The following SPOCK1 variants were observed in gnomAD, a reference collection of about 807,000 sequenced individuals.
SPOCK1 encodes testican-1.
In SPOCK1, 23 loss-of-function variants were observed where a neutral mutation model predicts 55.3. That is an observed-to-expected ratio of 0.42 (90% CI 0.30 to 0.59). The LOEUF (loss-of-function observed/expected upper bound fraction) is 0.59. SPOCK1 is among the 20% of genes least tolerant of loss of function. The pLI, the probability that SPOCK1 is intolerant of heterozygous loss-of-function variation, is 0.22. For synonymous variants in SPOCK1, 226 were observed against 221.0 expected, an observed-to-expected ratio of 1.02 and a Z score of -0.20; for missense variants, 499 against 552.5, an observed-to-expected ratio of 0.90 and a Z score of 0.97.
intron 5 of SPOCK1, among the ~76,000 whole-genome samples, chr5:137,112,171 T>C (rs1231021099): frequency 6.6e-6 from 1 of 152,192 alleles, no homozygotes; most frequent in Non-Finnish European, 1.5e-5. Flanking sequence ...GAAGCTTGTC[T>C]AGATTAACTT....
At chr5:137,294,722 C>T (rs903487369) in intron 2 of SPOCK1, among the ~76,000 whole-genome samples, 6 of 152,170 alleles carry the variant, frequency 3.9e-5, no homozygotes, top group Non-Finnish European at 7.3e-5. Context: ...TCCTACTTTC[C>T]ATCTCTCCCC....
chr5:137,100,398 G>A (rs1339641093), intron 5 of SPOCK1, among the ~76,000 whole-genome samples: 2 of 152,168 alleles, frequency 1.3e-5, no homozygotes, highest in Non-Finnish European at 2.9e-5. Flanking sequence ...GAAGCCAGGT[G>A]GCTGGACTAG....
intron 6 of SPOCK1, among the ~76,000 whole-genome samples, chr5:137,031,871 T>A (rs1751785855): frequency 6.6e-6 from 1 of 151,886 alleles, no homozygotes; most frequent in Admixed American, 6.6e-5. Flanking sequence ...TACATACAGT[T>A]CTAGCTTGTG....
chr5:137,102,481 G>A (rs1753289594), intron 5 of SPOCK1, among the ~76,000 whole-genome samples: 1 of 152,212 alleles, frequency 6.6e-6, no homozygotes, highest in Middle Eastern at 3.4e-3. Flanking sequence ...CAACACTGAA[G>A]GTTTCCTTCT....
intron 2 of SPOCK1, among the ~76,000 whole-genome samples, chr5:137,445,849 A>G (rs1479501803): frequency 6.6e-6 from 1 of 152,166 alleles, no homozygotes; most frequent in African/African-American, 2.4e-5. Context: ...CTTCAAGCTA[A>G]TAGATATATT....
intron 6 of SPOCK1, among the ~76,000 whole-genome samples, chr5:137,007,312 GCTT>G (rs959710881): frequency 6.6e-6 from 1 of 151,738 alleles, no homozygotes; most frequent in African/African-American, 2.4e-5. Flanking sequence ...AAACTAAAGA[GCTT>G]CTGCTCAGCA....
intron 3 of SPOCK1, among the ~76,000 whole-genome samples, chr5:137,158,405 G>T (rs185150587): frequency 6.6e-6 from 1 of 152,276 alleles, no homozygotes; most frequent in Admixed American, 6.5e-5. Context: ...TGTTGCTAAC[G>T]TCCAAAGAAC....
At chr5:137,017,608 G>T (rs1326152703) in intron 6 of SPOCK1, among the ~76,000 whole-genome samples, 2 of 152,014 alleles carry the variant, frequency 1.3e-5, no homozygotes, top group Non-Finnish European at 2.9e-5. Flanking sequence ...CATCATAATA[G>T]AATTATCCAA....
chr5:137,239,754 C>T (rs1445534608), intron 3 of SPOCK1, among the ~76,000 whole-genome samples: 2 of 151,898 alleles, frequency 1.3e-5, no homozygotes, highest in Non-Finnish European at 2.9e-5. Context: ...CAAGAAAAAT[C>T]AAGATCAAAA....
intron 5 of SPOCK1, among the ~76,000 whole-genome samples, chr5:137,089,798 T>C (rs1345063828): frequency 7.2e-5 from 11 of 152,320 alleles, no homozygotes; most frequent in African/African-American, 2.6e-4. Context: ...TGAGAATACA[T>C]TTTTAGAAAT....
At chr5:137,481,215 C>T (rs181909534) in intron 2 of SPOCK1, among the ~76,000 whole-genome samples, 2 of 152,262 alleles carry the variant, frequency 1.3e-5, no homozygotes, top group African/African-American at 4.8e-5. Context: ...CTGACCTCTC[C>T]ACTGGGATTG....
chr5:137,247,983 C>T (rs1756430125), intron 3 of SPOCK1, among the ~76,000 whole-genome samples: 1 of 152,168 alleles, frequency 6.6e-6, no homozygotes, highest in Non-Finnish European at 1.5e-5. Context: ...GATCAAATTT[C>T]AACATGAGCT....
intron 2 of SPOCK1, among the ~76,000 whole-genome samples, chr5:137,378,988 T>C (rs576478219): frequency 1.3e-5 from 2 of 152,318 alleles, no homozygotes; most frequent in East Asian, 3.9e-4. Context: ...GTTGGCTGTT[T>C]GAAAGGCTTG....
intron 3 of SPOCK1, among the ~76,000 whole-genome samples, chr5:137,149,032 T>C (rs1337012159): frequency 6.6e-6 from 1 of 152,222 alleles, no homozygotes; most frequent in African/African-American, 2.4e-5. Context: ...AAAGCCAAAT[T>C]GCTGGCTATC....
chr5:137,440,473 C>A (rs949241950), intron 2 of SPOCK1, among the ~76,000 whole-genome samples: 6 of 152,196 alleles, frequency 3.9e-5, no homozygotes, highest in Non-Finnish European at 7.3e-5. Context: ...AATGATTACA[C>A]AACAAACTCT....
At chr5:137,252,624 A>C (rs769433876) in intron 3 of SPOCK1, among the ~76,000 whole-genome samples, 1 of 152,194 alleles carries the variant, frequency 6.6e-6, no homozygotes, top group Non-Finnish European at 1.5e-5. Flanking sequence ...ACCAGATATA[A>C]ACACTAGGCA....
At position 137,213,061 on chromosome 5, in the gene SPOCK1, A is replaced by G. The variant is rs184816965; in HGVS notation, c.232+53949T>C. ...CTGTGGATCCTTTCAGGAAGGAGAA[A>G]GCCCAATGCAGCAGCTGGAGACCAT... On this transcript the variant is annotated intron_variant, in intron 3 of 10. Transcript: ENST00000394945. Among the ~76,000 whole-genome samples the G allele has an allele frequency of 3.3e-5, 5 of 152,292 alleles. No individual in the cohort carries two copies. In the East Asian group the frequency reaches 7.7e-4, roughly 23 times the overall value.
chr5:137,251,062 A>G (rs2127106121), intron 3 of SPOCK1, among the ~76,000 whole-genome samples: 1 of 152,302 alleles, frequency 6.6e-6, no homozygotes, highest in East Asian at 1.9e-4. Flanking sequence ...TTGTTTCAAC[A>G]TAGATTGCTG....
Position 137,215,589 on chromosome 5 carries a change from C to G in SPOCK1, c.232+51421G>C, listed in dbSNP as rs1014586. Among the ~76,000 whole-genome samples, 211 of 152,068 alleles carry G rather than the reference C, an allele frequency of 1.4e-3. 1 individual carries two copies. The highest frequency in any genetic ancestry group is 4.7e-3 in the African/African-American group (195 of 41,470). On this transcript the variant is annotated intron_variant, in intron 3 of 10. Coordinates refer to ENST00000394945, the MANE Select transcript of SPOCK1 (RefSeq NM_004598.4). ...ACAGATATGTTAAGAAGTAGAATTC[C>G]AAATGTGTATGAGTTTTTAAGATGA...
Sources: gnomAD v4.1 joint callset for allele counts (sites outside exome capture counted in the v4.1 genomes callset) on GRCh38, gnomAD v4.1.1 for gene constraint, MANE v1.5 for transcripts, NCBI Gene and HGNC (gene_info 2026-07-23, HGNC 2026-07-21) for gene names.